GRIN2B: variants seen among roughly 807,000 people sequenced by gnomAD.
GRIN2B encodes the protein glutamate ionotropic receptor NMDA type subunit 2B, also known as glutamate receptor ionotropic, NMDA 2B.
In GRIN2B, 5 loss-of-function variants were observed where a neutral mutation model predicts 114.5. The ratio of observed to expected loss-of-function variants is 0.04; its 90% confidence interval spans 0.02 to 0.09. GRIN2B has a LOEUF of 0.09. Among genes scored for constraint, GRIN2B ranks in the 10% least tolerant of loss-of-function variants. The pLI is 1.00. For synonymous variants in GRIN2B, 787 were observed against 745.1 expected (o/e 1.06, Z -0.92); for missense variants, 1,108 against 1,943.5 (o/e 0.57, Z 8.08).
At chr12:13,581,275 C>T (rs1294135284) in intron 10 of GRIN2B, among the ~76,000 whole-genome samples, 1 of 152,166 alleles carries the variant, frequency 6.6e-6, no homozygotes, top group African/African-American at 2.4e-5. Flanking sequence ...CAAGCAAGTA[C>T]AGAAACTGAC....
In GRIN2B at chr12:13,563,138, G is replaced by A. The variant is rs1948571985; in HGVS notation, c.4100C>T (p.Pro1367Leu). The A allele has an allele frequency of 6.2e-7, 1 of 1,614,094 alleles. No individual in the cohort carries two copies. Among genetic ancestry groups the A allele is most frequent in the Admixed American group, 1.7e-5 (1 of 60,012 alleles). The change falls in exon 14 of 14, where the codon CCC becomes CTC. Residue 1367 changes from proline (P) to leucine (L), a missense_variant. Physicochemically the swap from Pro to Leu is moderately conservative, Grantham distance 98. This residue lies in a region of GRIN2B where 478 missense variants were observed against 506.0 expected (regional missense o/e 0.94). Coordinates refer to ENST00000609686, the MANE Select transcript of GRIN2B (RefSeq NM_000834.5). ...CTTGCTGAGCATGTACCCGCCGCCG[G>A]GGTTGTTGTGGTGGTGATGTCCGGC... is the stretch of plus-strand genomic sequence containing the variant. ...PTAGHHHHNN[P>L]GGGYMLSKSL...
intron 3 of GRIN2B, among the ~76,000 whole-genome samples, chr12:13,802,182 T>G (rs1249815797): frequency 6.6e-6 from 1 of 152,140 alleles, no homozygotes; most frequent in Non-Finnish European, 1.5e-5. Context: ...ACAGCTTCCA[T>G]TTGAAAATAC....
chr12:13,896,495 G>C (rs1329038668), intron 2 of GRIN2B, among the ~76,000 whole-genome samples: 1 of 152,154 alleles, frequency 6.6e-6, no homozygotes, highest in Non-Finnish European at 1.5e-5. Flanking sequence ...CGATTAAAGG[G>C]AACGATCATT....
At chr12:13,851,797 T>C (rs1160781521) in intron 3 of GRIN2B, among the ~76,000 whole-genome samples, 2 of 152,170 alleles carry the variant, frequency 1.3e-5, no homozygotes, top group African/African-American at 4.8e-5. Context: ...ATATAAGCAA[T>C]GAGAATACAG....
intron 3 of GRIN2B, among the ~76,000 whole-genome samples, chr12:13,816,290 C>A (rs574699428): frequency 6.6e-6 from 1 of 152,002 alleles, no homozygotes; most frequent in African/African-American, 2.4e-5. Context: ...TAAAACAGGA[C>A]CTAGAAAAGT....
At chr12:13,629,689 CCTCT>C (rs1006665861) in intron 5 of GRIN2B, among the ~76,000 whole-genome samples, 1 of 151,616 alleles carries the variant, frequency 6.6e-6, no homozygotes, top group Non-Finnish European at 1.5e-5. Flanking sequence ...TCTCTCTTTT[CCTCT>C]CTCTCTCTTG....
chr12:13,938,162 A>G (rs1867162373), intron 2 of GRIN2B, among the ~76,000 whole-genome samples: 1 of 152,118 alleles, frequency 6.6e-6, no homozygotes, highest in Non-Finnish European at 1.5e-5. Context: ...CAGAGAAGCA[A>G]TGAAAATCAG....
At chr12:13,921,541 T>C (rs947494180) in intron 2 of GRIN2B, among the ~76,000 whole-genome samples, 7 of 152,212 alleles carry the variant, frequency 4.6e-5, no homozygotes, top group African/African-American at 7.2e-5. Context: ...TTCGAGTATC[T>C]TGATGGAAGA....
chr12:13,737,030 C>CA (rs368902113), intron 4 of GRIN2B, among the ~76,000 whole-genome samples: 20,208 of 100,452 alleles, frequency 0.2, 2,564 homozygotes, highest in Middle Eastern at 0.34. Context: ...AACTCCATCT[C>CA]AAAAAAAAAA....
chr12:13,647,151 C>A (rs1388911828), intron 5 of GRIN2B, among the ~76,000 whole-genome samples: 1 of 152,206 alleles, frequency 6.6e-6, no homozygotes, highest in East Asian at 1.9e-4. Flanking sequence ...CAGTTAAAGA[C>A]ATGCCTGGAG....
intron 2 of GRIN2B, among the ~76,000 whole-genome samples, chr12:13,963,192 A>T (rs1867727789): frequency 2.0e-5 from 3 of 152,082 alleles, no homozygotes; most frequent in Admixed American, 6.5e-5. Flanking sequence ...TCTCTCTAAT[A>T]ACCCGAGGCT....
At chr12:13,606,893 AAG>A (rs1361517835) in intron 10 of GRIN2B, among the ~76,000 whole-genome samples, 1 of 152,012 alleles carries the variant, frequency 6.6e-6, no homozygotes, top group African/African-American at 2.4e-5. Context: ...GCTTCCAAAT[AAG>A]AGAGAAAAAA....
At chr12:13,920,994 A>G (rs1321920906) in intron 2 of GRIN2B, among the ~76,000 whole-genome samples, 1 of 152,238 alleles carries the variant, frequency 6.6e-6, no homozygotes, top group South Asian at 2.1e-4. Context: ...ACCCTAACAA[A>G]GCACAGTACG....
intron 2 of GRIN2B, among the ~76,000 whole-genome samples, chr12:13,966,951 GA>G (rs1277024127): frequency 6.6e-6 from 1 of 152,156 alleles, no homozygotes; most frequent in African/African-American, 2.4e-5. Flanking sequence ...TCTTGCTCAG[GA>G]GAAAAACCAC....
intron 4 of GRIN2B, among the ~76,000 whole-genome samples, chr12:13,749,939 G>A (rs1257606870): frequency 6.6e-6 from 1 of 152,178 alleles, no homozygotes; most frequent in African/African-American, 2.4e-5. Context: ...GAAAGACAAT[G>A]GAGATAAGGG....
chr12:13,620,085 T>G (rs1375032347), intron 5 of GRIN2B, among the ~76,000 whole-genome samples: 1 of 152,224 alleles, frequency 6.6e-6, no homozygotes, highest in African/African-American at 2.4e-5. Context: ...GAAGTGATGT[T>G]TTCTAAAAGA....
rs542341184 is a variant in GRIN2B, at chr12:13,865,442, G to C, written c.411+356C>G. 2.8e-4 allele frequency among the ~76,000 whole-genome samples: 42 copies of C among 151,992 alleles called. 2 individuals are homozygous for C. The South Asian group carries it at 8.1e-3, about 29-fold the overall frequency. ...AGGTAAGGAGTTTGAGACCAACCTGGTCAACATGCTGAAGCCCTGTCTCTA... is the reference window on the plus strand; with the variant it reads ...AGGTAAGGAGTTTGAGACCAACCTGCTCAACATGCTGAAGCCCTGTCTCTA... On this transcript the variant is annotated intron_variant, in intron 3 of 13. Transcript: ENST00000609686.
intron 4 of GRIN2B, among the ~76,000 whole-genome samples, chr12:13,690,867 T>C (rs1950211053): frequency 6.6e-6 from 1 of 152,232 alleles, no homozygotes; most frequent in Non-Finnish European, 1.5e-5. Context: ...ATGTTAAAAT[T>C]AATATGTGAA....
At chr12:13,657,962 T>A (rs1158806170) in intron 5 of GRIN2B, among the ~76,000 whole-genome samples, 3 of 152,146 alleles carry the variant, frequency 2.0e-5, no homozygotes, top group Non-Finnish European at 4.4e-5. Flanking sequence ...TCCTAGCCCT[T>A]TGGGAGGCCA....
Sources: gnomAD v4.1 joint callset for allele counts (sites outside exome capture counted in the v4.1 genomes callset) on GRCh38, gnomAD v4.1.1 for gene constraint, gnomAD v4.1.1 regional missense constraint, MANE v1.5 for transcripts, NCBI Gene and HGNC (gene_info 2026-07-23, HGNC 2026-07-21) for gene names.